The following ABCC4 variants were observed in gnomAD, a reference collection of about 807,000 sequenced individuals.
The protein encoded by ABCC4 is ATP binding cassette subfamily C member 4 (PEL blood group), also known as ATP-binding cassette sub-family C member 4.
Under a neutral mutation model 168.5 loss-of-function variants are expected in ABCC4, and 102 were observed. That is an observed-to-expected ratio of 0.61 (90% CI 0.52 to 0.71). ABCC4 has a LOEUF of 0.71. Ranked by LOEUF, ABCC4 falls within the 30% of genes least tolerant of loss-of-function variation. The pLI, the probability that ABCC4 is intolerant of heterozygous loss-of-function variation, is 0.00. For missense variants in ABCC4, 1,402 were observed against 1,605.8 expected (o/e 0.87, Z 2.17); for synonymous variants, 617 against 590.7 (o/e 1.04, Z -0.65).
At chr13:95,168,322 G>A (rs1438054224) in intron 14 of ABCC4, among the ~76,000 whole-genome samples, 1 of 152,134 alleles carries the variant, frequency 6.6e-6, no homozygotes, top group Non-Finnish European at 1.5e-5. Context: ...ATTCCTGGGG[G>A]AGTGGGGAAG....
chr13:95,208,051 A>G, intron 6 of ABCC4, 126 bp from the exon 7 acceptor site: 1 of 962,082 alleles, frequency 1.0e-6, no homozygotes, highest in Non-Finnish European at 1.6e-6. Flanking sequence ...CAACACAGAC[A>G]GGTCCTACTC....
In ABCC4 at chr13:95,075,545, C is replaced by T; in HGVS notation, c.2693G>A (p.Ser898Asn). ...DVKRLESTTRSPVFSHLSSSL... is the reference protein window; with the variant it reads ...DVKRLESTTRNPVFSHLSSSL... ...AGATGATAAGTGGGAAAACACTGGA[C>T]TCCGAGCTGGGGAAACAGACAGAGA... The change falls in exon 22 of 31, where the codon AGT becomes AAT. Residue 898 changes from serine (S) to asparagine (N), a missense_variant. This residue lies in a region of ABCC4 where 1,007 missense variants were observed against 1,127.3 expected (regional missense o/e 0.89). Transcript: ENST00000645237. The T allele has an allele frequency of 6.2e-7, 1 of 1,614,090 alleles. No individual in the cohort carries two copies. The highest frequency in any genetic ancestry group is 1.3e-5 in the African/African-American group (1 of 75,046).
chr13:95,065,973 T>C lies in ABCC4; in HGVS notation c.3211-3114A>G, dbSNP rs796983200. The stretch of plus-strand genomic sequence containing the variant: ...ATTAAACTTCCGAAGTACAGCTCTC[T>C]GCCTGGCACTCCACACTGGGAAACC... On this transcript the variant is annotated intron_variant, in intron 25 of 30. Transcript: ENST00000645237. 6.6e-5 allele frequency among the ~76,000 whole-genome samples: 10 copies of C among 152,356 alleles called. No homozygotes were observed. In the South Asian group the frequency reaches 1.9e-3, roughly 28 times the overall value.
chr13:95,231,150 T>C (rs767696123), intron 4 of ABCC4, among the ~76,000 whole-genome samples: 3 of 152,154 alleles, frequency 2.0e-5, no homozygotes, highest in Non-Finnish European at 2.9e-5. Flanking sequence ...CAGTGCCTAA[T>C]GGGTACAGAG....
At chr13:95,048,243 A>C (rs2032679095) in intron 27 of ABCC4, among the ~76,000 whole-genome samples, 1 of 152,238 alleles carries the variant, frequency 6.6e-6, no homozygotes, top group Non-Finnish European at 1.5e-5. Context: ...AGGAAAACAA[A>C]ATCAAATCAT....
chr13:95,068,955 C>CCTG (rs1201084440), intron 25 of ABCC4, among the ~76,000 whole-genome samples: 1 of 152,218 alleles, frequency 6.6e-6, no homozygotes, highest in Non-Finnish European at 1.5e-5. Flanking sequence ...GCTGATGCTG[C>CCTG]CTGCAGAGTG....
At chr13:95,067,016 C>T (rs1182510545) in intron 25 of ABCC4, among the ~76,000 whole-genome samples, 1 of 152,172 alleles carries the variant, frequency 6.6e-6, no homozygotes, top group East Asian at 1.9e-4. Context: ...AACTGGCACC[C>T]ACAGAAGAGG....
At chr13:95,272,093 G>A (rs1053516600) in intron 1 of ABCC4, among the ~76,000 whole-genome samples, 1 of 150,824 alleles carries the variant, frequency 6.6e-6, no homozygotes. Context: ...TGCCCAGGCT[G>A]GGGTGCAATG....
Position 95,117,383 on chromosome 13 carries a change from C to T in ABCC4, c.2456-1382G>A, listed in dbSNP as rs568428400. On this transcript the variant is annotated intron_variant, in intron 19 of 30. Transcript: ENST00000645237. ...CTGCAGCATGCCACCGGGGAGGAAGCTCAACTTTTCAAATGCAGGTCCTGA... is the reference window on the plus strand; with the variant it reads ...CTGCAGCATGCCACCGGGGAGGAAGTTCAACTTTTCAAATGCAGGTCCTGA... Among the ~76,000 whole-genome samples the T allele has an allele frequency of 3.3e-5, 5 of 152,226 alleles. No individual in the cohort carries two copies. The South Asian group carries it at 1.0e-3, about 32-fold the overall frequency.
chr13:95,156,611 A>C (rs2036864484), intron 19 of ABCC4, among the ~76,000 whole-genome samples: 1 of 152,220 alleles, frequency 6.6e-6, no homozygotes, highest in Non-Finnish European at 1.5e-5. Flanking sequence ...AGCGAACAGT[A>C]CCAGAAAATA....
At chr13:95,205,447 A>C (rs879445401) in intron 8 of ABCC4, among the ~76,000 whole-genome samples, 1 of 152,242 alleles carries the variant, frequency 6.6e-6, no homozygotes, top group Non-Finnish European at 1.5e-5. Flanking sequence ...AATAAAACAA[A>C]GCAGATTTTT....
At chr13:95,150,590 T>C (rs541927268) in intron 19 of ABCC4, among the ~76,000 whole-genome samples, 2 of 151,888 alleles carry the variant, frequency 1.3e-5, no homozygotes, top group Non-Finnish European at 2.9e-5. Flanking sequence ...GAGGAAGAAA[T>C]TTCTCAAACA....
At chr13:95,120,794 G>A (rs2035543611) in intron 19 of ABCC4, among the ~76,000 whole-genome samples, 1 of 152,176 alleles carries the variant, frequency 6.6e-6, no homozygotes, top group Non-Finnish European at 1.5e-5. Context: ...GGTGTCGAGA[G>A]AATTGACCTG....
intron 13 of ABCC4, among the ~76,000 whole-genome samples, chr13:95,172,503 C>A (rs1174678121): frequency 6.6e-6 from 1 of 150,710 alleles, no homozygotes; most frequent in Non-Finnish European, 1.5e-5. Context: ...CCCAGGAGGC[C>A]TGCAGTGATC....
intron 1 of ABCC4, chr13:95,269,185 C>G (rs530863771): frequency 6.9e-6 from 3 of 432,114 alleles, no homozygotes; most frequent in South Asian, 4.8e-5. Context: ...CCAAGGGGGT[C>G]ATGGGAAGCA....
At chr13:95,063,128 C>T (rs2033366795) in intron 25 of ABCC4, among the ~76,000 whole-genome samples, 1 of 152,114 alleles carries the variant, frequency 6.6e-6, no homozygotes, top group South Asian at 2.1e-4. Context: ...AAAATGATAC[C>T]ACCAAAAATG....
intron 13 of ABCC4, among the ~76,000 whole-genome samples, chr13:95,173,127 T>C (rs1480205401): frequency 6.7e-6 from 1 of 148,462 alleles, no homozygotes; most frequent in East Asian, 2.0e-4. Flanking sequence ...CACTATTGGA[T>C]AGTAAAGTAA....
intron 1 of ABCC4, among the ~76,000 whole-genome samples, chr13:95,285,333 T>C (rs543618798): frequency 1.3e-5 from 2 of 152,120 alleles, no homozygotes; most frequent in African/African-American, 4.8e-5. Flanking sequence ...GGAGGATCAC[T>C]TGAGGACAGG....
intron 26 of ABCC4, among the ~76,000 whole-genome samples, chr13:95,057,091 A>C (rs1300262485): frequency 6.6e-6 from 1 of 152,144 alleles, no homozygotes; most frequent in African/African-American, 2.4e-5. Flanking sequence ...TCTCCTTGGG[A>C]AGTGCACTTA....
Sources: gnomAD v4.1 joint callset for allele counts (sites outside exome capture counted in the v4.1 genomes callset) on GRCh38, gnomAD v4.1.1 for gene constraint, gnomAD v4.1.1 regional missense constraint, MANE v1.5 for transcripts, NCBI Gene and HGNC (gene_info 2026-07-23, HGNC 2026-07-21) for gene names.